Variants in AGBL1 observed in about 807,000 individuals in gnomAD.
The protein encoded by AGBL1 is cytosolic carboxypeptidase 4.
Under a neutral mutation model 118.9 loss-of-function variants are expected in AGBL1, and 130 were observed. The observed-to-expected ratio is 1.09, with a 90% CI of 0.95 to 1.26. The LOEUF is 1.26. Ranked by LOEUF, AGBL1 falls within the 50% of genes most tolerant of loss-of-function variation. AGBL1 has a pLI of 0.00. For synonymous variants in AGBL1, 555 were observed against 478.9 expected, an observed-to-expected ratio of 1.16 and a Z score of -2.08; for missense variants, 1,584 against 1,298.1, an observed-to-expected ratio of 1.22 and a Z score of -3.38.
At chr15:86,567,465 C>T (rs2083932715) in intron 21 of AGBL1, among the ~76,000 whole-genome samples, 2 of 152,142 alleles carry the variant, frequency 1.3e-5, no homozygotes, top group Non-Finnish European at 2.9e-5. Context: ...ATTTGTGAGC[C>T]TTCTTCTAGG....
intron 5 of AGBL1, among the ~76,000 whole-genome samples, chr15:86,208,823 G>A (rs1026076522): frequency 6.6e-5 from 10 of 152,026 alleles, no homozygotes; most frequent in African/African-American, 2.2e-4. Flanking sequence ...ATCTCCTTCG[G>A]TTCTGCTCTG....
chr15:86,402,375 T>C, intron 18 of AGBL1, among the ~76,000 whole-genome samples: 1 of 152,122 alleles, frequency 6.6e-6, no homozygotes, highest in African/African-American at 2.4e-5. Flanking sequence ...TAGGGTTTTC[T>C]AGGTATATAA....
At chr15:86,189,038 T>A (rs1257305095) in intron 5 of AGBL1, among the ~76,000 whole-genome samples, 2 of 152,156 alleles carry the variant, frequency 1.3e-5, no homozygotes, top group Non-Finnish European at 2.9e-5. Flanking sequence ...TTTTTGGAAA[T>A]AAGACAGCTT....
At chr15:86,199,099 CTT>C (rs1243667073) in intron 5 of AGBL1, among the ~76,000 whole-genome samples, 1 of 152,006 alleles carries the variant, frequency 6.6e-6, no homozygotes, top group Admixed American at 6.6e-5. Context: ...TACATACATG[CTT>C]TGTTTACTTT....
intron 22 of AGBL1, among the ~76,000 whole-genome samples, chr15:86,846,791 C>T (rs947461433): frequency 6.6e-6 from 1 of 152,222 alleles, no homozygotes; most frequent in Non-Finnish European, 1.5e-5. Context: ...CTCGGCCTCC[C>T]AAAGTGCTGG....
Position 86,144,448 on chromosome 15 carries a change from G to A in AGBL1, c.262+603G>A, listed in dbSNP as rs1390948662. 2.0e-5 allele frequency among the ~76,000 whole-genome samples: 3 copies of A among 152,196 alleles called. No homozygotes were observed. The East Asian group carries it at 5.8e-4, about 29-fold the overall frequency. ...CCCATCTAGACTGGATAAAGAAAAT[G>A]TGGTACACATACACCATGGAATACT... On this transcript the variant is annotated intron_variant, in intron 3 of 22. Coordinates refer to ENST00000614907, the MANE Select transcript of AGBL1 (RefSeq NM_001386094.1).
At chr15:86,240,002 ATAAAAC>A (rs369668455) in intron 6 of AGBL1, among the ~76,000 whole-genome samples, 411 of 152,350 alleles carry the variant, frequency 2.7e-3, no homozygotes, top group Middle Eastern at 0.017. Context: ...AAAAATGAAA[ATAAAAC>A]TAAAAGGGAG....
intron 22 of AGBL1, among the ~76,000 whole-genome samples, chr15:86,848,295 CT>C (rs1210549342): frequency 9.9e-5 from 15 of 151,992 alleles, no homozygotes; most frequent in Non-Finnish European, 2.9e-5. Context: ...TTAGTTTTTA[CT>C]TTTTTCTAAT....
intron 22 of AGBL1, among the ~76,000 whole-genome samples, chr15:86,842,001 C>T (rs1596540991): frequency 6.6e-6 from 1 of 152,098 alleles, no homozygotes; most frequent in African/African-American, 2.4e-5. Context: ...GAGTCTGGCT[C>T]ATATTAGACA....
intron 21 of AGBL1, among the ~76,000 whole-genome samples, chr15:86,625,365 G>T (rs2255769): frequency 0.3 from 36,525 of 121,550 alleles, 10,282 homozygotes; most frequent in Non-Finnish European, 0.39. Flanking sequence ...AGAAATTAGC[G>T]TTTTTTTTTT....
chr15:86,988,251 C>T (rs909941764), intron 24 of AGBL1: 13 of 792,446 alleles, frequency 1.6e-5, no homozygotes, highest in Non-Finnish European at 2.5e-5. Flanking sequence ...ATGCCAACTT[C>T]TTTTCCAAAG....
chr15:86,373,246 T>A (rs1319284920), intron 17 of AGBL1, among the ~76,000 whole-genome samples: 1 of 152,196 alleles, frequency 6.6e-6, no homozygotes, highest in Non-Finnish European at 1.5e-5. Flanking sequence ...TATATGCAAT[T>A]TTCTTCTAGA....
chr15:86,430,058 C>G (rs1408867185), intron 18 of AGBL1, among the ~76,000 whole-genome samples: 1 of 152,148 alleles, frequency 6.6e-6, no homozygotes, highest in African/African-American at 2.4e-5. Context: ...CATTGCGAAT[C>G]AAAGCATCGT....
At chr15:86,415,387 T>C (rs1386235145) in intron 18 of AGBL1, among the ~76,000 whole-genome samples, 1 of 152,168 alleles carries the variant, frequency 6.6e-6, no homozygotes, top group African/African-American at 2.4e-5. Context: ...GTGCTTCAGT[T>C]TCCTCATCTG....
At chr15:86,411,465 A>G (rs1047353530) in intron 18 of AGBL1, among the ~76,000 whole-genome samples, 17 of 152,150 alleles carry the variant, frequency 1.1e-4, no homozygotes, top group Admixed American at 1.0e-3. Context: ...CAAAGGCAGC[A>G]TATATACTTT....
chr15:86,150,756 C>G (rs1435541210), intron 3 of AGBL1, among the ~76,000 whole-genome samples: 1 of 152,166 alleles, frequency 6.6e-6, no homozygotes, highest in Non-Finnish European at 1.5e-5. Flanking sequence ...GGCAATCCTC[C>G]CTAACTCATT....
intron 22 of AGBL1, among the ~76,000 whole-genome samples, chr15:86,766,837 C>A (rs1484046533): frequency 7.3e-6 from 1 of 137,228 alleles, no homozygotes; most frequent in Non-Finnish European, 1.5e-5. Context: ...AGAATCCCAT[C>A]TTGACAAAAT....
At chr15:86,179,798 C>A (rs758911301) in intron 5 of AGBL1, among the ~76,000 whole-genome samples, 1 of 152,058 alleles carries the variant, frequency 6.6e-6, no homozygotes, top group Non-Finnish European at 1.5e-5. Flanking sequence ...GAAATTCCAA[C>A]GGAATCTATA....
rs563408136 is a variant in AGBL1, at chr15:86,672,305, A to G, written c.2995-1968A>G. On this transcript the variant is annotated intron_variant, in intron 21 of 22. Transcript: ENST00000614907. ...ATGTGGACCAACATCTGGGGCATCA[A>G]ATTTTTTTTACATTATAAAATACTA... 2.6e-5 allele frequency among the ~76,000 whole-genome samples: 4 copies of G among 152,298 alleles called. No individual in the cohort carries two copies. In the South Asian group the frequency reaches 6.2e-4, roughly 24 times the overall value.
Sources: allele counts gnomAD v4.1 joint callset (sites outside exome capture counted in the v4.1 genomes callset), GRCh38; gene constraint gnomAD v4.1.1; transcripts MANE v1.5; gene names NCBI Gene and HGNC (gene_info 2026-07-23, HGNC 2026-07-21).